The following HPSE2 variants were observed in gnomAD, a reference collection of about 807,000 sequenced individuals.
HPSE2 encodes the protein inactive heparanase-2.
In HPSE2, 38 loss-of-function variants were observed where a neutral mutation model predicts 60.5. The observed-to-expected ratio is 0.63, with a 90% CI of 0.48 to 0.82. The LOEUF (loss-of-function observed/expected upper bound fraction) is 0.82. Ranked by LOEUF, HPSE2 falls within the 40% of genes least tolerant of loss-of-function variation. The pLI is 0.00. For synonymous variants in HPSE2, 295 were observed against 293.2 expected (o/e 1.01, Z -0.06); for missense variants, 713 against 740.4 (o/e 0.96, Z 0.43).
At chr10:99,192,208 TC>T (rs934798814) in intron 2 of HPSE2, among the ~76,000 whole-genome samples, 11 of 152,112 alleles carry the variant, frequency 7.2e-5, no homozygotes, top group African/African-American at 2.4e-4. Flanking sequence ...TCAGAAAACA[TC>T]CCAAACCTAG....
intron 6 of HPSE2, among the ~76,000 whole-genome samples, chr10:98,669,142 A>G (rs1349939096): frequency 6.6e-5 from 1 of 15,158 alleles, no homozygotes; most frequent in Non-Finnish European, 4.7e-4. Context: ...AAATACTCAA[A>G]TCACTAATCA....
intron 9 of HPSE2, among the ~76,000 whole-genome samples, chr10:98,598,879 G>T (rs1238252640): frequency 6.6e-6 from 1 of 152,130 alleles, no homozygotes; most frequent in Non-Finnish European, 1.5e-5. Flanking sequence ...GGCACCTAGG[G>T]CTACGGGGAC....
rs552095426 is a variant in HPSE2, at chr10:98,883,078, A to T, written c.611-139022T>A. Among the ~76,000 whole-genome samples, 13 of 152,240 alleles carry T rather than the reference A, an allele frequency of 8.5e-5. No individual in the cohort carries two copies. In the South Asian group the frequency reaches 2.7e-3, roughly 32 times the overall value. Reference sequence around the variant, plus strand: ...GGAGAGGAAAAGCCATATGTTGACCATCTTCCTAGCTCTGAAGGGCTATCA... The same window carrying T: ...GGAGAGGAAAAGCCATATGTTGACCTTCTTCCTAGCTCTGAAGGGCTATCA... On this transcript the variant is annotated intron_variant, in intron 3 of 11. Transcript: ENST00000370552.
At chr10:99,027,310 C>A in intron 3 of HPSE2, among the ~76,000 whole-genome samples, 1 of 149,452 alleles carries the variant, frequency 6.7e-6, no homozygotes, top group Non-Finnish European at 1.5e-5. Flanking sequence ...TGCAGAAATC[C>A]AAAGGATCAT....
chr10:98,888,222 T>C (rs141584418), intron 3 of HPSE2, among the ~76,000 whole-genome samples: 34 of 150,544 alleles, frequency 2.3e-4, no homozygotes, highest in Admixed American at 1.0e-3. Context: ...ACGGAGCAAA[T>C]AGATCCTTTG....
chr10:99,257,119 C>T, the HPSE2 span, among the ~76,000 whole-genome samples: 1 of 152,170 alleles, frequency 6.6e-6, no homozygotes, highest in Non-Finnish European at 1.5e-5. Context: ...ATCTCTTAAT[C>T]CTGTCATCTT....
intron 9 of HPSE2, among the ~76,000 whole-genome samples, chr10:98,525,986 T>C (rs1942954370): frequency 6.6e-6 from 1 of 152,190 alleles, no homozygotes; most frequent in African/African-American, 2.4e-5. Flanking sequence ...TGAGAATGCA[T>C]TGTCTAAGAT....
intron 9 of HPSE2, among the ~76,000 whole-genome samples, chr10:98,591,571 A>G (rs1468836999): frequency 6.6e-6 from 1 of 152,282 alleles, no homozygotes; most frequent in African/African-American, 2.4e-5. Context: ...TTGAGGCACG[A>G]GAACTGCTTG....
intron 3 of HPSE2, among the ~76,000 whole-genome samples, chr10:99,069,375 C>T (rs1046628980): frequency 2.0e-5 from 3 of 151,950 alleles, no homozygotes; most frequent in African/African-American, 7.3e-5. Flanking sequence ...TTTTGGCTTG[C>T]AGTGCAATGC....
intron 3 of HPSE2, among the ~76,000 whole-genome samples, chr10:98,969,086 C>CA (rs908639210): frequency 3.3e-5 from 5 of 152,034 alleles, no homozygotes; most frequent in African/African-American, 1.2e-4. Flanking sequence ...TAACATAAAT[C>CA]AAAGTCACTT....
chr10:98,890,195 T>G (rs896205716), intron 3 of HPSE2, among the ~76,000 whole-genome samples: 1 of 152,226 alleles, frequency 6.6e-6, no homozygotes, highest in African/African-American at 2.4e-5. Context: ...CATTTTTATT[T>G]TGTTTTTACC....
chr10:99,271,984 TC>T, the HPSE2 span, among the ~76,000 whole-genome samples: 2 of 152,092 alleles, frequency 1.3e-5, no homozygotes, highest in African/African-American at 4.8e-5. Context: ...TATACAAAGA[TC>T]AACACACCTG....
intron 9 of HPSE2, among the ~76,000 whole-genome samples, chr10:98,560,152 C>G (rs1944130367): frequency 6.6e-6 from 1 of 152,134 alleles, no homozygotes; most frequent in African/African-American, 2.4e-5. Context: ...CTCTCCTACT[C>G]TCTCTGAGTC....
intron 2 of HPSE2, among the ~76,000 whole-genome samples, chr10:99,199,223 C>T (rs1848497648): frequency 6.6e-6 from 1 of 152,014 alleles, no homozygotes; most frequent in African/African-American, 2.4e-5. Context: ...CATAAAGTAT[C>T]TTAATTTTTT....
At chr10:99,296,203 C>G in the HPSE2 span, among the ~76,000 whole-genome samples, 30 of 152,186 alleles carry the variant, frequency 2.0e-4, no homozygotes, top group African/African-American at 7.2e-4. Flanking sequence ...ATGCAGTAGT[C>G]TGAAGCATGT....
At chr10:99,183,392 T>C (rs1847853437) in intron 2 of HPSE2, among the ~76,000 whole-genome samples, 1 of 152,172 alleles carries the variant, frequency 6.6e-6, no homozygotes, top group Non-Finnish European at 1.5e-5. Flanking sequence ...ACAGTTGTTT[T>C]TGGATAAACA....
At chr10:98,831,077 A>G (rs1951672718) in intron 3 of HPSE2, among the ~76,000 whole-genome samples, 1 of 152,156 alleles carries the variant, frequency 6.6e-6, no homozygotes, top group Admixed American at 6.6e-5. Flanking sequence ...TCCTTATACA[A>G]CAGCACATTT....
chr10:98,819,421 C>CTTT (rs34043787), intron 3 of HPSE2, among the ~76,000 whole-genome samples: 69,766 of 136,066 alleles, frequency 0.51, 19,368 homozygotes, highest in South Asian at 0.73. Flanking sequence ...TACAATCATT[C>CTTT]TTTTTTTTTT....
intron 11 of HPSE2, among the ~76,000 whole-genome samples, chr10:98,460,830 A>C (rs1475431070): frequency 6.6e-6 from 1 of 152,200 alleles, no homozygotes; most frequent in Non-Finnish European, 1.5e-5. Context: ...GATAGAGGGA[A>C]ATGCCACCTA....
Sources: allele counts gnomAD v4.1 joint callset (sites outside exome capture counted in the v4.1 genomes callset), GRCh38; gene constraint gnomAD v4.1.1; transcripts MANE v1.5; gene names NCBI Gene and HGNC (gene_info 2026-07-23, HGNC 2026-07-21).